STRN: variants seen among roughly 807,000 people sequenced by gnomAD.
STRN encodes striatin, also known as protein phosphatase 2 regulatory subunit B'''alpha.
STRN carries 53 observed loss-of-function variants against 96.3 expected under a neutral mutation model. The ratio of observed to expected loss-of-function variants is 0.55; its 90% CI spans 0.44 to 0.69. The LOEUF (loss-of-function observed/expected upper bound fraction) is 0.69. STRN is among the 30% of genes least tolerant of loss of function. The pLI, the probability that STRN is intolerant of heterozygous loss-of-function variation, is 0.00. For synonymous variants in STRN, 428 were observed against 355.9 expected (o/e 1.20, Z -2.28); for missense variants, 987 against 963.9 (o/e 1.02, Z -0.32).
chr2:36,850,132 G>A (rs1321251018), intron 16 of STRN, among the ~76,000 whole-genome samples: 2 of 152,084 alleles, frequency 1.3e-5, no homozygotes, highest in East Asian at 1.9e-4. Flanking sequence ...TTTAGCTACT[G>A]GCAAATTATG....
At chr2:36,957,347 G>A (rs1664913299) in intron 1 of STRN, among the ~76,000 whole-genome samples, 3 of 152,194 alleles carry the variant, frequency 2.0e-5, no homozygotes, top group Admixed American at 2.0e-4. Context: ...CAGCACTTTG[G>A]GAGGCGGAGG....
In STRN at chr2:36,877,949, C is replaced by T; in HGVS notation, c.1265G>A (p.Gly422Glu). The change falls in exon 10 of 18, where the codon GGA (glycine) becomes GAA (glutamate). Residue 422 changes from glycine to glutamate, a missense_variant. Transcript: ENST00000263918. ...GADEALESEL[G>E]LGELAGLTVA... Reference sequence around the variant, plus strand: ...CGTAAGGCCTGCTAGTTCTCCAAGTCCCAGTTCACTTTCAAGGGCTTCATC... The same window carrying T: ...CGTAAGGCCTGCTAGTTCTCCAAGTTCCAGTTCACTTTCAAGGGCTTCATC... 1 of 1,614,160 alleles carries T rather than the reference C, an allele frequency of 6.2e-7. No individual in the cohort carries two copies. Among genetic ancestry groups the T allele is most frequent in the Non-Finnish European group, 8.5e-7 (1 of 1,180,018 alleles).
chr2:36,948,579 G>A, intron 1 of STRN, among the ~76,000 whole-genome samples: 1 of 152,308 alleles, frequency 6.6e-6, no homozygotes, highest in East Asian at 1.9e-4. Context: ...TAAAGGTACA[G>A]AGGAAGTTGC....
chr2:36,921,125 T>A (rs184256023), intron 2 of STRN, among the ~76,000 whole-genome samples: 1 of 151,968 alleles, frequency 6.6e-6, no homozygotes, highest in Non-Finnish European at 1.5e-5. Flanking sequence ...CCCCACTTCA[T>A]CCTTCTCAGC....
In STRN at chr2:36,858,135, T is replaced by G. The variant is rs1037034672; in HGVS notation, c.1670-112A>C. The G allele has an allele frequency of 3.9e-5, 30 of 764,452 alleles. No individual in the cohort carries two copies. In the African/African-American group the frequency reaches 5.1e-4, roughly 13 times the overall value. 47.4% of individuals were successfully genotyped at this position (764,452 alleles called of 1,614,324 possible). A position where few individuals can be genotyped will look rare whatever the true frequency, so the allele number is the denominator to read the frequency against. ...TAGCACCTGATAACAGTATAAAATA[T>G]GATTCTTGGTTTCTATTATTCTTCT... On this transcript the variant is annotated intron_variant, in intron 13 of 17. Transcript: ENST00000263918.
At chr2:36,902,343 A>G (rs1006758087) in intron 5 of STRN, among the ~76,000 whole-genome samples, 3 of 152,202 alleles carry the variant, frequency 2.0e-5, no homozygotes, top group Admixed American at 6.5e-5. Flanking sequence ...GATTAAGTCA[A>G]TATACTAAAA....
chr2:36,863,716 G>A (rs889867431), intron 12 of STRN, among the ~76,000 whole-genome samples: 3 of 152,144 alleles, frequency 2.0e-5, no homozygotes, highest in African/African-American at 7.2e-5. Context: ...TAGTTTGATA[G>A]GAATAGCATT....
intron 1 of STRN, among the ~76,000 whole-genome samples, chr2:36,933,454 G>A (rs1670624660): frequency 6.6e-6 from 1 of 152,148 alleles, no homozygotes; most frequent in Non-Finnish European, 1.5e-5. Context: ...TCAATCAAGG[G>A]AGGAATTCTG....
At chr2:36,950,221 T>TTG (rs1553406128) in intron 1 of STRN, among the ~76,000 whole-genome samples, 3 of 146,052 alleles carry the variant, frequency 2.1e-5, no homozygotes, top group Non-Finnish European at 3.0e-5. Flanking sequence ...TTGTTTTTTT[T>TTG]TTTTTTTTTT....
intron 1 of STRN, among the ~76,000 whole-genome samples, chr2:36,925,755 AGAGT>A: frequency 6.6e-6 from 1 of 152,328 alleles, no homozygotes; most frequent in Admixed American, 6.5e-5. Flanking sequence ...CCTGGGTAAC[AGAGT>A]GAGACTCCAT....
chr2:36,880,516 T>C (rs149815870), intron 9 of STRN, among the ~76,000 whole-genome samples: 54 of 152,230 alleles, frequency 3.5e-4, no homozygotes, highest in African/African-American at 1.2e-3. Context: ...CAGAACAAAA[T>C]AGAGCATAAA....
At position 36,837,876 on chromosome 2, in the gene STRN, T is replaced by C. The variant is rs1412154212; in HGVS notation, c.*11580A>G. On this transcript the variant is annotated 3_prime_UTR_variant, in exon 18 of 18. Transcript: ENST00000263918. ...ACTAAAAAGACAAACGGTACAAACATATGGACCAAAAATAAGAAAAATTTA... is the reference window on the plus strand; with the variant it reads ...ACTAAAAAGACAAACGGTACAAACACATGGACCAAAAATAAGAAAAATTTA... Among the ~76,000 whole-genome samples the C allele has an allele frequency of 6.6e-6, 1 of 152,086 alleles. No homozygotes were observed. The highest frequency in any genetic ancestry group is 1.5e-5 in the Non-Finnish European group (1 of 68,006).
rs1669148142 is a variant in STRN at position 36,884,074 on chromosome 2, C to T, written c.1044G>A (p.Arg348=). 1.5e-6 allele frequency: 2 copies of T among 1,333,758 alleles called. No homozygotes were observed. Among genetic ancestry groups the T allele is most frequent in the Non-Finnish European group, 1.9e-6 (2 of 1,032,528 alleles). The allele number at this position is 1,333,758 out of a possible 1,614,324, so 82.6% of individuals were successfully genotyped here. A position where few individuals can be genotyped will look rare whatever the true frequency, so the allele number is the denominator to read the frequency against. ...KERKGKKGVK[R]PNRSKLQDML... The stretch of plus-strand genomic sequence containing the variant: ...TATCTTGTAGTTTTGACCTATTGGG[C>T]CCTAGCCAAAAAAAGGGGGGGTGGG... The change falls in exon 9 of 18, where the codon AGG becomes AGA. Residue 348 remains arginine, a splice_region_variant and synonymous_variant. Transcript: ENST00000263918.
chr2:36,929,457 C>T (rs1462296750), intron 1 of STRN, among the ~76,000 whole-genome samples: 1 of 151,890 alleles, frequency 6.6e-6, no homozygotes, highest in Non-Finnish European at 1.5e-5. Context: ...GATTTCGGCT[C>T]ACTGCAACTT....
chr2:36,899,691 A>T, intron 5 of STRN, 33 bp from the exon 6 acceptor site: 2 of 1,537,850 alleles, frequency 1.3e-6, no homozygotes, highest in Non-Finnish European at 1.8e-6. Flanking sequence ...TGCTTAGTTA[A>T]TCTTTTTAAC....
intron 1 of STRN, among the ~76,000 whole-genome samples, chr2:36,941,503 G>C (rs969192105): frequency 6.6e-6 from 1 of 151,624 alleles, no homozygotes; most frequent in Non-Finnish European, 1.5e-5. Context: ...CATTTCTCAA[G>C]ATGAACAGAA....
At chr2:36,875,905 C>T (rs1165193400) in intron 10 of STRN, among the ~76,000 whole-genome samples, 1 of 152,152 alleles carries the variant, frequency 6.6e-6, no homozygotes, top group Non-Finnish European at 1.5e-5. Flanking sequence ...GATCTGCCCG[C>T]CTCGGCCTCC....
At chr2:36,942,897 T>C (rs553952906) in intron 1 of STRN, among the ~76,000 whole-genome samples, 2 of 131,990 alleles carry the variant, frequency 1.5e-5, no homozygotes, top group African/African-American at 2.8e-5. Flanking sequence ...AGTTTCACCA[T>C]GTTGGCCAGG....
intron 6 of STRN, among the ~76,000 whole-genome samples, chr2:36,895,219 C>T (rs1669506482): frequency 6.6e-6 from 1 of 151,488 alleles, no homozygotes; most frequent in East Asian, 1.9e-4. Flanking sequence ...CCCAGCTACT[C>T]GGGAGGCTGA....
Sources: gnomAD v4.1 joint callset for allele counts (sites outside exome capture counted in the v4.1 genomes callset) on GRCh38, gnomAD v4.1.1 for gene constraint, MANE v1.5 for transcripts, NCBI Gene and HGNC (gene_info 2026-07-23, HGNC 2026-07-21) for gene names.